The following TMEM232 variants were observed in gnomAD, a reference collection of about 807,000 sequenced individuals.
The protein encoded by TMEM232 is transmembrane protein 232.
A neutral mutation model predicts 78.8 loss-of-function variants in TMEM232; 80 were observed. The ratio of observed to expected loss-of-function variants is 1.01; its 90% CI spans 0.85 to 1.22. The LOEUF (loss-of-function observed/expected upper bound fraction) is 1.22. TMEM232 is among the 50% of genes most tolerant of loss of function. The probability of loss-of-function intolerance (pLI) is 0.00; values close to 1 mark genes in which losing one functional copy is unlikely to be tolerated. For missense variants in TMEM232, 881 were observed against 742.2 expected (o/e 1.19, Z -2.17); for synonymous variants, 297 against 254.3 (o/e 1.17, Z -1.60).
intron 13 of TMEM232, among the ~76,000 whole-genome samples, chr5:110,422,500 A>G (rs1346925384): frequency 2.2e-5 from 3 of 138,058 alleles, no homozygotes; most frequent in Non-Finnish European, 4.6e-5. Context: ...AGCCTGGGCC[A>G]CAGAGCGAGA....
At chr5:110,641,984 TA>T (rs1561439240) in intron 3 of TMEM232, among the ~76,000 whole-genome samples, 2 of 152,070 alleles carry the variant, frequency 1.3e-5, no homozygotes, top group South Asian at 4.1e-4. Flanking sequence ...TAACTTTTTT[TA>T]AAAAAATATA....
intron 12 of TMEM232, among the ~76,000 whole-genome samples, chr5:110,447,740 A>G (rs1466836720): frequency 6.6e-6 from 1 of 152,130 alleles, no homozygotes; most frequent in Non-Finnish European, 1.5e-5. Context: ...ATTTGAAATG[A>G]AGAAGCATGG....
chr5:110,614,113 C>T (rs1424028787), intron 8 of TMEM232, among the ~76,000 whole-genome samples: 1 of 151,914 alleles, frequency 6.6e-6, no homozygotes, highest in Non-Finnish European at 1.5e-5. Flanking sequence ...TATTGTTTTC[C>T]TTTCTATTAT....
At chr5:110,611,430 G>A (rs1173766919) in intron 8 of TMEM232, among the ~76,000 whole-genome samples, 1 of 152,080 alleles carries the variant, frequency 6.6e-6, no homozygotes, top group Non-Finnish European at 1.5e-5. Context: ...CAGGGAAGCT[G>A]GTGTGGGAGA....
upstream of TMEM232, among the ~76,000 whole-genome samples, chr5:110,728,949 A>C (rs1324572543): frequency 6.6e-6 from 1 of 150,750 alleles, no homozygotes; most frequent in Admixed American, 6.6e-5. Flanking sequence ...CAATGGAGCG[A>C]TCTCAGCTCA....
intron 12 of TMEM232, among the ~76,000 whole-genome samples, chr5:110,431,588 G>A (rs1226408501): frequency 1.3e-5 from 2 of 151,604 alleles, no homozygotes; most frequent in Non-Finnish European, 3.0e-5. Context: ...CACACAGAAG[G>A]TTTATATTGG....
Position 110,496,081 on chromosome 5 carries a change from T to C in TMEM232, c.1703+32507A>G, listed in dbSNP as rs144037200. Among the ~76,000 whole-genome samples the C allele has an allele frequency of 9.8e-3, 1,490 of 152,002 alleles. 34 individuals are homozygous for C. Among genetic ancestry groups the C allele is most frequent in the African/African-American group, 0.034 (1,393 of 41,540 alleles). ...AAATTGCATTCAAATCACAAAATTA[T>C]AATAAAAATTTTCACTCACAAATTA... On this transcript the variant is annotated intron_variant, in intron 12 of 13. Transcript: ENST00000455884.
At chr5:110,695,661 A>G (rs1407813174) in intron 1 of TMEM232, among the ~76,000 whole-genome samples, 3 of 152,224 alleles carry the variant, frequency 2.0e-5, no homozygotes, top group African/African-American at 7.2e-5. Flanking sequence ...CCATCAGAGA[A>G]TACTATAAAC....
intron 4 of TMEM232, 59 bp downstream of exon 4, chr5:110,640,832 G>A (rs373760664): frequency 8.4e-7 from 1 of 1,193,318 alleles, no homozygotes; most frequent in Non-Finnish European, 1.1e-6. Flanking sequence ...CTCAAATTAT[G>A]CCTTCACTGA....
intron 12 of TMEM232, among the ~76,000 whole-genome samples, chr5:110,478,021 G>A (rs1364018892): frequency 6.6e-6 from 1 of 151,864 alleles, no homozygotes; most frequent in South Asian, 2.1e-4. Flanking sequence ...ATAGTGGAAA[G>A]GCATTCATTA....
downstream of TMEM232, among the ~76,000 whole-genome samples, chr5:110,415,464 G>A (rs1756167549): frequency 1.3e-5 from 2 of 151,712 alleles, no homozygotes; most frequent in Admixed American, 6.6e-5. Context: ...TGGGATTACA[G>A]GCCTGAGCCA....
At chr5:110,501,161 C>A (rs1163668237) in intron 12 of TMEM232, among the ~76,000 whole-genome samples, 4 of 152,174 alleles carry the variant, frequency 2.6e-5, no homozygotes, top group African/African-American at 9.6e-5. Flanking sequence ...GGTCCAAACA[C>A]TTTTTACTTT....
At chr5:110,517,477 T>C (rs1327913177) in intron 12 of TMEM232, among the ~76,000 whole-genome samples, 1 of 152,224 alleles carries the variant, frequency 6.6e-6, no homozygotes, top group Non-Finnish European at 1.5e-5. Context: ...CAGAAAATAC[T>C]GTTTAGCCAG....
intron 11 of TMEM232, among the ~76,000 whole-genome samples, chr5:110,561,679 CCAGGT>C (rs1488509895): frequency 2.6e-5 from 4 of 151,958 alleles, no homozygotes; most frequent in African/African-American, 9.7e-5. Context: ...ATATAGTTCC[CCAGGT>C]CAGCAATTTG....
intron 1 of TMEM232, among the ~76,000 whole-genome samples, chr5:110,702,758 A>C (rs72773164): frequency 4.6e-5 from 7 of 152,164 alleles, no homozygotes; most frequent in Non-Finnish European, 1.0e-4. Context: ...AGGCTATGCC[A>C]TTGTGTCCCT....
At chr5:110,526,252 A>G (rs1049226857) in intron 12 of TMEM232, among the ~76,000 whole-genome samples, 1 of 151,584 alleles carries the variant, frequency 6.6e-6, no homozygotes, top group Non-Finnish European at 1.5e-5. Flanking sequence ...TATACGGCAA[A>G]AAAATGCTAT....
rs544739844 is a variant in TMEM232 at position 110,612,494 on chromosome 5, A to AG, written c.902+5934dup. Among the ~76,000 whole-genome samples the AG allele has an allele frequency of 2.6e-5, 4 of 152,282 alleles. No homozygotes were observed. In the East Asian group the frequency reaches 7.7e-4, roughly 29 times the overall value. On this transcript the variant is annotated intron_variant, in intron 8 of 13. Transcript: ENST00000455884. Reference sequence around the variant, plus strand: ...ATGCAAACTTTTGTTGGAATGCTCTAGGTTAGACCATCACATGGACATCAT... The same window carrying AG: ...ATGCAAACTTTTGTTGGAATGCTCTAGGGTTAGACCATCACATGGACATCAT...
At chr5:110,421,416 AAT>A (rs898036917) in intron 13 of TMEM232, among the ~76,000 whole-genome samples, 33 of 150,012 alleles carry the variant, frequency 2.2e-4, no homozygotes, top group South Asian at 1.1e-3. Context: ...CATCATGAAA[AAT>A]ATATATATAT....
At chr5:110,610,235 A>AAGGAAGGAAGGGAGG (rs1782039817) in intron 8 of TMEM232, among the ~76,000 whole-genome samples, 3 of 43,936 alleles carry the variant, frequency 6.8e-5, no homozygotes, top group African/African-American at 2.2e-4. Context: ...AGGGAAAAAG[A>AAGGAAGGAAGGGAGG]AAGGAAGGAA....
Sources: gnomAD v4.1 joint callset for allele counts (sites outside exome capture counted in the v4.1 genomes callset) on GRCh38, gnomAD v4.1.1 for gene constraint, MANE v1.5 for transcripts, NCBI Gene and HGNC (gene_info 2026-07-23, HGNC 2026-07-21) for gene names.